The following TUT7 variants were observed in gnomAD, a reference collection of about 807,000 sequenced individuals.
TUT7 encodes terminal uridylyl transferase 7.
A neutral mutation model predicts 165.9 loss-of-function variants in TUT7; 33 were observed. That is an observed-to-expected ratio of 0.20 (90% CI 0.15 to 0.27). TUT7 has a LOEUF of 0.27. Ranked by LOEUF, TUT7 falls within the 10% of genes least tolerant of loss-of-function variation. TUT7 has a pLI of 1.00. For missense variants in TUT7, 1,338 were observed against 1,762.3 expected (o/e 0.76, Z 4.31); for synonymous variants, 552 against 608.1 (o/e 0.91, Z 1.36).
chr9:86,343,803 G>A (rs1323449583), intron 5 of TUT7, among the ~76,000 whole-genome samples: 1 of 152,190 alleles, frequency 6.6e-6, no homozygotes, highest in East Asian at 1.9e-4. Flanking sequence ...GAAGATGTGT[G>A]TGTATATGAG....
At position 86,323,091 on chromosome 9, in the gene TUT7, C is replaced by T; in HGVS notation, c.2659G>A (p.Gly887Arg). 6.2e-7 allele frequency: 1 copy of T among 1,614,204 alleles called. No individual in the cohort carries two copies. Among genetic ancestry groups the T allele is most frequent in the Non-Finnish European group, 8.5e-7 (1 of 1,180,036 alleles). ...DELDNTYTGS[G>R]DEDALSEEDD... Reference sequence around the variant, plus strand: ...TCTTCAGATAGGGCGTCCTCATCCCCTGACCCAGTGTAGGTGTTGTCTAAC... The same window carrying T: ...TCTTCAGATAGGGCGTCCTCATCCCTTGACCCAGTGTAGGTGTTGTCTAAC... Residue 887 changes from glycine (G) to arginine (R), a missense_variant, in exon 13 of 27, where the codon GGG (glycine) becomes AGG (arginine). Gly to Arg is a moderately radical substitution (Grantham distance 125, BLOSUM62 -2). Transcript: ENST00000375963.
At chr9:86,340,147 G>A (rs898607551) in intron 7 of TUT7, 42 bp from the exon 8 acceptor site, 46 of 1,550,186 alleles carry the variant, frequency 3.0e-5, no homozygotes, top group Admixed American at 1.8e-4. Flanking sequence ...GTTAATTAAA[G>A]CTTTGTTTAA....
intron 2 of TUT7, among the ~76,000 whole-genome samples, chr9:86,350,040 A>T (rs1293958324): frequency 6.6e-6 from 1 of 152,184 alleles, no homozygotes; most frequent in Non-Finnish European, 1.5e-5. Context: ...TTCTTTTTAA[A>T]ATGCTTTTCA....
At chr9:86,325,603 A>G in intron 11 of TUT7, 89 bp from the exon 12 acceptor site, 2 of 1,251,528 alleles carry the variant, frequency 1.6e-6, no homozygotes, top group Non-Finnish European at 2.2e-6. Context: ...AAATTAAAAA[A>G]ATCTGGAAAA....
intron 26 of TUT7, among the ~76,000 whole-genome samples, chr9:86,289,475 C>T (rs1449379911): frequency 6.6e-6 from 1 of 152,104 alleles, no homozygotes; most frequent in Non-Finnish European, 1.5e-5. Flanking sequence ...GGTAGTTTCC[C>T]TCCTCACACC....
At chr9:86,300,673 GGA>G (rs2131299234) in intron 26 of TUT7, among the ~76,000 whole-genome samples, 1 of 152,284 alleles carries the variant, frequency 6.6e-6, no homozygotes, top group African/African-American at 2.4e-5. Flanking sequence ...CCAGATTTGT[GGA>G]TGGTGTTGTT....
At chr9:86,294,051 G>A (rs892664256) in intron 26 of TUT7, among the ~76,000 whole-genome samples, 3 of 152,156 alleles carry the variant, frequency 2.0e-5, no homozygotes, top group South Asian at 4.1e-4. Flanking sequence ...CGGCCGCAAG[G>A]ATAGTTTTAA....
Position 86,288,571 on chromosome 9 carries a change from T to C in TUT7, c.*106A>G. ...AAAATCTGACATTTCCCTTAAATGT[T>C]AAGTTGAAGCCTGATCTACACTGCT... is the stretch of plus-strand genomic sequence containing the variant. On this transcript the variant is annotated 3_prime_UTR_variant, in exon 27 of 27. Transcript: ENST00000375963. 1.4e-6 allele frequency: 1 copy of C among 735,888 alleles called. No individual in the cohort carries two copies. Among genetic ancestry groups the C allele is most frequent in the Non-Finnish European group, 2.1e-6 (1 of 479,222 alleles). The allele number at this position is 735,888 out of a possible 1,614,324, so 45.6% of individuals were successfully genotyped here.
chr9:86,297,664 C>A (rs1215152199), intron 26 of TUT7, among the ~76,000 whole-genome samples: 2 of 152,118 alleles, frequency 1.3e-5, no homozygotes, highest in Admixed American at 1.3e-4. Context: ...CACATCTCTA[C>A]AAATCGGGAG....
At chr9:86,344,867 A>G in intron 5 of TUT7, 110 bp downstream of exon 5, 5 of 1,076,162 alleles carry the variant, frequency 4.6e-6, no homozygotes, top group Non-Finnish European at 6.5e-6. Context: ...AAAACACAAG[A>G]GCTTCATGAC....
chr9:86,338,451 A>G (rs947394415), intron 9 of TUT7, among the ~76,000 whole-genome samples: 3 of 152,076 alleles, frequency 2.0e-5, no homozygotes, highest in African/African-American at 7.2e-5. Context: ...AGTATCTTCT[A>G]TTTTTTGCCG....
chr9:86,321,369 A>T (rs552504749), intron 14 of TUT7, among the ~76,000 whole-genome samples: 35 of 151,222 alleles, frequency 2.3e-4, no homozygotes, highest in Middle Eastern at 6.8e-3. Flanking sequence ...AAAAAAAAAA[A>T]TTTTTTTTCT....
At chr9:86,309,341 T>A (rs1406593230) in intron 20 of TUT7, 52 bp from the exon 21 acceptor site, 1 of 1,417,256 alleles carries the variant, frequency 7.1e-7, no homozygotes, top group East Asian at 2.3e-5. Context: ...AATGCATTGA[T>A]ACAAAAACTT....
At chr9:86,299,421 CAA>C (rs903489684) in intron 26 of TUT7, among the ~76,000 whole-genome samples, 8 of 152,186 alleles carry the variant, frequency 5.3e-5, no homozygotes, top group African/African-American at 1.4e-4. Context: ...TCTGAAGAAA[CAA>C]GAGAGAGCAG....
chr9:86,341,047 G>C lies in TUT7; in HGVS notation c.1093C>G (p.Gln365Glu). ...TGAACAAGTAAGAGGACATCTGGCTGAGACATCTAGGAAATAAATCAATGA... is the reference window on the plus strand; with the variant it reads ...TGAACAAGTAAGAGGACATCTGGCTCAGACATCTAGGAAATAAATCAATGA... ...IDIQFPAIMS[Q>E]PDVLLLVQEC... is the part of the protein sequence containing the mutation. The change falls in exon 7 of 27, where the codon CAG (glutamine) becomes GAG (glutamate). Residue 365 changes from glutamine to glutamate, a missense_variant. Physicochemically the swap from Gln to Glu is conservative, Grantham distance 29. Around this residue, in one of 7 missense-constraint regions of TUT7, gnomAD observed 434 missense variants for 480.8 expected, o/e 0.90. Coordinates refer to ENST00000375963, the MANE Select transcript of TUT7 (RefSeq NM_024617.4). The C allele has an allele frequency of 1.2e-6, 2 of 1,611,376 alleles. No homozygotes were observed. The highest frequency in any genetic ancestry group is 1.7e-6 in the Non-Finnish European group (2 of 1,178,510).
At chr9:86,302,085 T>G (rs1489692749) in intron 25 of TUT7, among the ~76,000 whole-genome samples, 1 of 152,050 alleles carries the variant, frequency 6.6e-6, no homozygotes, top group East Asian at 1.9e-4. Flanking sequence ...GATTTTTGAG[T>G]AATGAAAAAA....
At chr9:86,346,534 TA>T (rs762241388) in intron 2 of TUT7, 54 bp from the exon 3 acceptor site, 1 of 1,540,154 alleles carries the variant, frequency 6.5e-7, no homozygotes, top group Non-Finnish European at 8.9e-7. Context: ...CACTCCTGAG[TA>T]AAAAGCAGAC....
intron 10 of TUT7, among the ~76,000 whole-genome samples, chr9:86,332,845 T>G (rs1267717988): frequency 6.6e-6 from 1 of 152,230 alleles, no homozygotes; most frequent in Non-Finnish European, 1.5e-5. Context: ...AATTTCCATT[T>G]GGTTCTTTTG....
intron 2 of TUT7, among the ~76,000 whole-genome samples, chr9:86,348,249 A>C (rs1177854622): frequency 1.3e-5 from 2 of 152,236 alleles, no homozygotes; most frequent in Non-Finnish European, 2.9e-5. Context: ...GGCTGCAGAA[A>C]TTCTGTCAGA....
Sources: allele counts gnomAD v4.1 joint callset (sites outside exome capture counted in the v4.1 genomes callset), GRCh38; gene constraint gnomAD v4.1.1; regional missense constraint gnomAD v4.1.1; transcripts MANE v1.5; gene names NCBI Gene and HGNC (gene_info 2026-07-23, HGNC 2026-07-21).